Variants in MAGI2 observed in about 807,000 individuals in gnomAD.
MAGI2 encodes membrane-associated guanylate kinase, WW and PDZ domain-containing protein 2.
A neutral mutation model predicts 133.3 loss-of-function variants in MAGI2; 35 were observed. That is an observed-to-expected ratio of 0.26 (90% CI 0.20 to 0.35). MAGI2 has a LOEUF of 0.35. MAGI2 is among the 10% of genes least tolerant of loss of function. The pLI is 1.00. For missense variants in MAGI2, 1,636 were observed against 1,863.4 expected, an observed-to-expected ratio of 0.88 and a Z score of 2.25; for synonymous variants, 729 against 710.6, an observed-to-expected ratio of 1.03 and a Z score of -0.41.
chr7:78,869,576 C>T (rs1238992279), intron 2 of MAGI2, among the ~76,000 whole-genome samples: 4 of 152,090 alleles, frequency 2.6e-5, no homozygotes, highest in African/African-American at 9.7e-5. Flanking sequence ...CACTTCTGCA[C>T]GGATGGGGAG....
At chr7:78,540,248 G>A (rs1425263228) in intron 3 of MAGI2, among the ~76,000 whole-genome samples, 5 of 152,326 alleles carry the variant, frequency 3.3e-5, no homozygotes, top group East Asian at 1.9e-4. Flanking sequence ...CTTGAGCGGG[G>A]CTTGCTGTAG....
chr7:78,677,272 A>G (rs910754100), intron 2 of MAGI2, among the ~76,000 whole-genome samples: 2 of 151,730 alleles, frequency 1.3e-5, no homozygotes, highest in African/African-American at 4.8e-5. Context: ...GTCTCTTAAT[A>G]CTTTAGTACA....
At chr7:78,734,493 G>A (rs1048081008) in intron 2 of MAGI2, among the ~76,000 whole-genome samples, 17 of 152,098 alleles carry the variant, frequency 1.1e-4, no homozygotes, top group African/African-American at 3.9e-4. Context: ...TGCATTTATG[G>A]CCTCAATAAT....
intron 1 of MAGI2, among the ~76,000 whole-genome samples, chr7:79,009,353 T>C (rs779787519): frequency 3.9e-5 from 6 of 152,134 alleles, no homozygotes; most frequent in African/African-American, 1.4e-4. Context: ...TGTCGAAACT[T>C]TTAAGAATCA....
intron 10 of MAGI2, chr7:78,253,320 A>G (rs1792622345): frequency 6.6e-6 from 1 of 152,336 alleles, no homozygotes; most frequent in South Asian, 2.1e-4. Context: ...ATACTGTATG[A>G]TTCCATTTAT....
At chr7:78,175,901 C>A (rs1481418741) in intron 14 of MAGI2, among the ~76,000 whole-genome samples, 1 of 152,114 alleles carries the variant, frequency 6.6e-6, no homozygotes, top group Non-Finnish European at 1.5e-5. Flanking sequence ...CATGAACAAT[C>A]CTGAAGGAAG....
At chr7:78,161,896 G>C (rs1388453573) in intron 15 of MAGI2, among the ~76,000 whole-genome samples, 1 of 152,096 alleles carries the variant, frequency 6.6e-6, no homozygotes, top group Non-Finnish European at 1.5e-5. Flanking sequence ...AATGTACCGA[G>C]GTCATAAGAG....
At position 78,109,910 on chromosome 7, in the gene MAGI2, T is replaced by C. The variant is rs547437760; in HGVS notation, c.3567+15784A>G. On this transcript the variant is annotated intron_variant, in intron 20 of 21. Transcript: ENST00000354212. ...AATGCATAATTTGAGACCTGACTTA[T>C]ATTTCCTAAATGTATGTGCCCATTT... Among the ~76,000 whole-genome samples the C allele has an allele frequency of 3.3e-5, 5 of 152,280 alleles. No homozygotes were observed. In the East Asian group the frequency reaches 5.8e-4, roughly 18 times the overall value.
intron 1 of MAGI2, among the ~76,000 whole-genome samples, chr7:79,136,101 GA>G (rs1562929374): frequency 1.1e-4 from 17 of 150,330 alleles, no homozygotes; most frequent in Non-Finnish European, 2.1e-4. Context: ...AAGAAAGAAA[GA>G]AAGAAAGAAA....
intron 1 of MAGI2, among the ~76,000 whole-genome samples, chr7:79,401,246 A>G (rs1585848350): frequency 6.6e-6 from 1 of 152,198 alleles, no homozygotes; most frequent in Non-Finnish European, 1.5e-5. Context: ...CCATTTGAGC[A>G]TAGGCCATGG....
chr7:79,138,485 T>C (rs1308879355), intron 1 of MAGI2, among the ~76,000 whole-genome samples: 1 of 152,164 alleles, frequency 6.6e-6, no homozygotes, highest in East Asian at 1.9e-4. Flanking sequence ...ATTAGGAAAG[T>C]AGTATAGGCT....
chr7:78,403,707 T>C (rs901883601), intron 6 of MAGI2, among the ~76,000 whole-genome samples: 2 of 152,136 alleles, frequency 1.3e-5, no homozygotes, highest in Non-Finnish European at 2.9e-5. Context: ...TGGTGTGAGA[T>C]GGTATCTCAT....
intron 1 of MAGI2, among the ~76,000 whole-genome samples, chr7:79,114,045 G>A (rs1296410141): frequency 6.6e-6 from 1 of 152,110 alleles, no homozygotes; most frequent in Non-Finnish European, 1.5e-5. Flanking sequence ...ACATGTAGTT[G>A]TATTTATTTT....
intron 21 of MAGI2, among the ~76,000 whole-genome samples, chr7:78,074,225 TC>T (rs975716150): frequency 6.6e-5 from 10 of 152,102 alleles, no homozygotes; most frequent in Middle Eastern, 3.2e-3. Context: ...GTTTACTCCT[TC>T]CCCCAGCTCA....
intron 2 of MAGI2, among the ~76,000 whole-genome samples, chr7:78,922,689 G>A (rs995217878): frequency 2.6e-5 from 4 of 152,014 alleles, no homozygotes; most frequent in East Asian, 1.9e-4. Flanking sequence ...ATGATTTATA[G>A]TCCTTTGGGT....
At chr7:79,225,382 T>A (rs1004342960) in intron 1 of MAGI2, among the ~76,000 whole-genome samples, 1 of 152,236 alleles carries the variant, frequency 6.6e-6, no homozygotes, top group African/African-American at 2.4e-5. Flanking sequence ...AATTATAGAA[T>A]GTACTTGATT....
At chr7:79,055,932 T>A (rs944894198) in intron 1 of MAGI2, among the ~76,000 whole-genome samples, 1 of 152,178 alleles carries the variant, frequency 6.6e-6, no homozygotes, top group Admixed American at 6.5e-5. Flanking sequence ...CAACACTGAA[T>A]CTGCTCTAGA....
At chr7:79,315,568 A>C (rs1314423595) in intron 1 of MAGI2, among the ~76,000 whole-genome samples, 1 of 152,108 alleles carries the variant, frequency 6.6e-6, no homozygotes, top group Non-Finnish European at 1.5e-5. Context: ...ATTTGGATGC[A>C]TGTTTACAAG....
chr7:78,969,171 A>C (rs1199887677), intron 2 of MAGI2, among the ~76,000 whole-genome samples: 2 of 151,922 alleles, frequency 1.3e-5, no homozygotes, highest in Non-Finnish European at 2.9e-5. Context: ...TGTACTGGCG[A>C]CCACCTGGTA....
Sources: allele counts gnomAD v4.1 joint callset (sites outside exome capture counted in the v4.1 genomes callset), GRCh38; gene constraint gnomAD v4.1.1; transcripts MANE v1.5; gene names NCBI Gene and HGNC (gene_info 2026-07-23, HGNC 2026-07-21).